The following PRLR variants were observed in gnomAD, a reference collection of about 807,000 sequenced individuals.
PRLR encodes hPRL receptor.
A neutral mutation model predicts 40.2 loss-of-function variants in PRLR; 13 were observed. The ratio of observed to expected loss-of-function variants is 0.32; its 90% confidence interval spans 0.21 to 0.51. PRLR has a LOEUF of 0.51. PRLR is among the 20% of genes least tolerant of loss of function. The pLI is 0.97. For synonymous variants in PRLR, 269 were observed against 278.7 expected (o/e 0.97, Z 0.35); for missense variants, 656 against 747.3 (o/e 0.88, Z 1.42).
chr5:35,201,183 T>C (rs1775874729), intron 1 of PRLR, among the ~76,000 whole-genome samples: 1 of 152,200 alleles, frequency 6.6e-6, no homozygotes, highest in African/African-American at 2.4e-5. Context: ...GTTGTTATTA[T>C]GGTATATGCA....
intron 5 of PRLR, among the ~76,000 whole-genome samples, chr5:35,073,121 A>G (rs757167801): frequency 4.6e-5 from 7 of 152,168 alleles, no homozygotes; most frequent in Non-Finnish European, 8.8e-5. Flanking sequence ...GAGATTTCAA[A>G]CAGCTTATTT....
At chr5:35,214,340 A>G (rs899113381) in intron 1 of PRLR, among the ~76,000 whole-genome samples, 1 of 152,212 alleles carries the variant, frequency 6.6e-6, no homozygotes, top group Non-Finnish European at 1.5e-5. Flanking sequence ...TTTGTGGGTG[A>G]ATGTACAAAG....
At chr5:35,101,602 C>G (rs1308776074) in intron 2 of PRLR, among the ~76,000 whole-genome samples, 1 of 152,018 alleles carries the variant, frequency 6.6e-6, no homozygotes, top group African/African-American at 2.4e-5. Context: ...TCTTCCTTTT[C>G]CTTCATAAAT....
chr5:35,188,721 G>A (rs1056496469), intron 1 of PRLR, among the ~76,000 whole-genome samples: 1 of 152,184 alleles, frequency 6.6e-6, no homozygotes, highest in Non-Finnish European at 1.5e-5. Flanking sequence ...AATTACTGGC[G>A]AGGCCACACT....
intron 1 of PRLR, among the ~76,000 whole-genome samples, chr5:35,214,099 A>G (rs1413912015): frequency 6.6e-6 from 1 of 152,222 alleles, no homozygotes; most frequent in Non-Finnish European, 1.5e-5. Context: ...GAGGAAAAAC[A>G]GGTGCTTCTA....
At chr5:35,164,909 G>A (rs1285017121) in intron 1 of PRLR, among the ~76,000 whole-genome samples, 2 of 152,178 alleles carry the variant, frequency 1.3e-5, no homozygotes, top group East Asian at 3.8e-4. Flanking sequence ...TGATAAGATT[G>A]AAAGAGAGTA....
rs1768823939 is a variant in PRLR, at chr5:35,058,153, G to C, written c.*6936C>G. 1 of 152,016 alleles carries C rather than the reference G, an allele frequency of 6.6e-6. No individual in the cohort carries two copies. Among genetic ancestry groups the C allele is most frequent in the Non-Finnish European group, 1.5e-5 (1 of 67,998 alleles). 9.4% of individuals were successfully genotyped at this position (152,016 alleles called of 1,614,324 possible). A position where few individuals can be genotyped will look rare whatever the true frequency, so the allele number is the denominator to read the frequency against. Reference sequence around the variant, plus strand: ...TAGAAGGTGTTAAAAAAAAAACCCAGCAACTTAATTATAAAACAATTACTT... The same window carrying C: ...TAGAAGGTGTTAAAAAAAAAACCCACCAACTTAATTATAAAACAATTACTT... On this transcript the variant is annotated 3_prime_UTR_variant, in exon 10 of 10. Coordinates refer to ENST00000618457, the MANE Select transcript of PRLR (RefSeq NM_000949.7).
rs112802870 is a variant in PRLR at position 35,113,526 on chromosome 5, T to TATCC, written c.-44+4531_-44+4534dup. On this transcript the variant is annotated intron_variant, in intron 2 of 9. Transcript: ENST00000618457. ...CTATCTATCCACCCATCCATTTATCTATCCATCCATCCATCCATCCATCCA... is the reference window on the plus strand; with the variant it reads ...CTATCTATCCACCCATCCATTTATCTATCCATCCATCCATCCATCCATCCATCCA... Among the ~76,000 whole-genome samples, 351 of 137,536 alleles carry TATCC rather than the reference T, an allele frequency of 2.6e-3. 1 individual carries two copies. Among genetic ancestry groups the TATCC allele is most frequent in the African/African-American group, 5.9e-3 (212 of 36,036 alleles). The allele number at this position is 137,536 out of a possible 152,430, so 90.2% of individuals were successfully genotyped here. A position where few individuals can be genotyped will look rare whatever the true frequency, so the allele number is the denominator to read the frequency against.
At chr5:35,095,684 G>A (rs759055830) in intron 2 of PRLR, among the ~76,000 whole-genome samples, 5 of 152,202 alleles carry the variant, frequency 3.3e-5, no homozygotes, top group Non-Finnish European at 5.9e-5. Flanking sequence ...ACACTTGCTC[G>A]TGTGGTCATT....
chr5:35,208,588 GA>G (rs1388118000), intron 1 of PRLR, among the ~76,000 whole-genome samples: 1 of 151,580 alleles, frequency 6.6e-6, no homozygotes, highest in Non-Finnish European at 1.5e-5. Flanking sequence ...AATCACAAAT[GA>G]AAAAAATGAA....
Position 35,065,863 on chromosome 5 carries a change from C to T in PRLR, c.1095G>A (p.Glu365=), listed in dbSNP as rs1028369622. ...ATGTGGAGGGATTGGCCTGGGGTTC[C>T]TCACACTTTTCAGACAAAAGGGAAG... ...DSPSLLSEKC[E]EPQANPSTFY... is the part of the protein sequence containing the mutation. The change falls in exon 10 of 10, where the codon GAG becomes GAA. Residue 365 remains glutamate (E), a synonymous_variant. Coordinates refer to ENST00000618457, the MANE Select transcript of PRLR (RefSeq NM_000949.7). The T allele has an allele frequency of 6.2e-7, 1 of 1,614,116 alleles. No individual in the cohort carries two copies. Among genetic ancestry groups the T allele is most frequent in the African/African-American group, 1.3e-5 (1 of 75,032 alleles).
chr5:35,110,860 C>T (rs958582039), intron 2 of PRLR, among the ~76,000 whole-genome samples: 1 of 152,216 alleles, frequency 6.6e-6, no homozygotes. Context: ...CTCATGCTAA[C>T]TTTCAGATTA....
At chr5:35,210,167 T>A (rs1282250316) in intron 1 of PRLR, among the ~76,000 whole-genome samples, 1 of 152,248 alleles carries the variant, frequency 6.6e-6, no homozygotes, top group Admixed American at 6.5e-5. Context: ...AAATCAGTCA[T>A]CACTTTGACA....
chr5:35,051,247 G>A (rs1435169042), downstream of PRLR, among the ~76,000 whole-genome samples: 1 of 152,186 alleles, frequency 6.6e-6, no homozygotes, highest in Non-Finnish European at 1.5e-5. Flanking sequence ...CTGCATACCT[G>A]GCACAGTGCC....
intron 1 of PRLR, among the ~76,000 whole-genome samples, chr5:35,164,226 A>G (rs1774757040): frequency 6.6e-6 from 1 of 152,222 alleles, no homozygotes; most frequent in South Asian, 2.1e-4. Flanking sequence ...GGAAACTTAT[A>G]CAACCAATTA....
chr5:35,123,792 TACTC>T (rs757624182), intron 1 of PRLR, among the ~76,000 whole-genome samples: 3 of 152,198 alleles, frequency 2.0e-5, no homozygotes, highest in East Asian at 1.9e-4. Flanking sequence ...TTATAATAAA[TACTC>T]ACTTATAGTC....
chr5:35,170,919 G>A (rs1774977827), intron 1 of PRLR, among the ~76,000 whole-genome samples: 1 of 152,132 alleles, frequency 6.6e-6, no homozygotes, highest in East Asian at 1.9e-4. Context: ...ATAAAGTATT[G>A]AACAAACGGA....
At chr5:35,173,040 G>A (rs1485088120) in intron 1 of PRLR, among the ~76,000 whole-genome samples, 2 of 151,996 alleles carry the variant, frequency 1.3e-5, no homozygotes, top group African/African-American at 4.8e-5. Context: ...TTCTTAAGAT[G>A]GTCTCTAGAA....
intron 5 of PRLR, among the ~76,000 whole-genome samples, chr5:35,078,431 T>C (rs1276638428): frequency 6.6e-6 from 1 of 152,026 alleles, no homozygotes; most frequent in Non-Finnish European, 1.5e-5. Flanking sequence ...AACACCTCTA[T>C]GCAAATAAAC....
Sources: gnomAD v4.1 joint callset for allele counts (sites outside exome capture counted in the v4.1 genomes callset) on GRCh38, gnomAD v4.1.1 for gene constraint, MANE v1.5 for transcripts, NCBI Gene and HGNC (gene_info 2026-07-23, HGNC 2026-07-21) for gene names.